CYP27C1: variants seen among roughly 807,000 people sequenced by gnomAD.
CYP27C1 encodes cytochrome P450 27C1.
A neutral mutation model predicts 40.6 loss-of-function variants in CYP27C1; 29 were observed. That is an observed-to-expected ratio of 0.71 (90% CI 0.53 to 0.97). CYP27C1 has a LOEUF of 0.97. CYP27C1 is among the 50% of genes least tolerant of loss of function. CYP27C1 has a pLI of 0.00. For synonymous variants in CYP27C1, 198 were observed against 186.8 expected (o/e 1.06, Z -0.49); for missense variants, 390 against 485.8 (o/e 0.80, Z 1.85).
In CYP27C1 at chr2:127,195,525, C is replaced by T. The variant is rs1682882312; in HGVS notation, c.1048-24G>A. ...GTCTAAGGAGAGAAAGTGGCAGACA[C>T]AGGCAGGCAGTGAGTAACACCAGGG... On this transcript the variant is annotated intron_variant, in intron 5 of 8. Coordinates refer to ENST00000664447, the MANE Select transcript of CYP27C1 (RefSeq NM_001367502.1). The surrounding 1 kb of genome is among the most constrained non-coding windows in gnomAD (Gnocchi z 6.2). 1 of 1,612,024 alleles carries T rather than the reference C, an allele frequency of 6.2e-7. No homozygotes were observed. The highest frequency in any genetic ancestry group is 1.1e-5 in the South Asian group (1 of 90,774).
intron 1 of CYP27C1, among the ~76,000 whole-genome samples, chr2:127,216,710 A>C (rs1178247134): frequency 6.6e-6 from 1 of 152,262 alleles, no homozygotes; most frequent in African/African-American, 2.4e-5. Context: ...GCATAAAAAG[A>C]AATCACAATA....
Position 127,204,465 on chromosome 2 carries a change from AAAGAAAGAAAGAAAGAAAGAAAGGAAGG to A in CYP27C1, c.474-922_474-895del, listed in dbSNP as rs1162002903. ...AAAAGAAAGAAAGAAAGAAAGAAAG[AAAGAAAGAAAGAAAGAAAGAAAGGAAGG>A]AAGGAAGGAAGGAAAGAAAGAAGGA... On this transcript the variant is annotated intron_variant, in intron 2 of 8. Transcript: ENST00000664447. 5.8e-3 allele frequency among the ~76,000 whole-genome samples: 387 copies of A among 66,158 alleles called. 32 individuals carry two copies. The highest frequency in any genetic ancestry group is 0.021 in the African/African-American group (367 of 17,674). 43.4% of individuals were successfully genotyped at this position (66,158 alleles called of 152,430 possible).
rs141493748 is a variant in CYP27C1 at position 127,205,520 on chromosome 2, G to A, written c.473+380C>T. The A allele has an allele frequency of 8.0e-3, 1,929 of 239,894 alleles. 32 individuals are homozygous for A. Among genetic ancestry groups the A allele is most frequent in the African/African-American group, 0.041 (1,774 of 43,096 alleles). 14.9% of individuals were successfully genotyped at this position (239,894 alleles called of 1,614,324 possible). On this transcript the variant is annotated intron_variant, in intron 2 of 8. Transcript: ENST00000664447. Reference sequence around the variant, plus strand: ...CAAGGCTGGAGGTTCTTAGCCCCTCGTCAAAGGGATTTTCCTGAAATAGTG... The same window carrying A: ...CAAGGCTGGAGGTTCTTAGCCCCTCATCAAAGGGATTTTCCTGAAATAGTG...
At chr2:127,204,531 AAGAAAGAG>A (rs1479698176) in intron 2 of CYP27C1, among the ~76,000 whole-genome samples, 1,700 of 46,080 alleles carry the variant, frequency 0.037, 192 homozygotes, top group Middle Eastern at 0.07. Context: ...GAAAGAAAGA[AAGAAAGAG>A]AGAGAGAGAG....
chr2:127,206,921 C>T (rs1448837190), intron 1 of CYP27C1, among the ~76,000 whole-genome samples: 1 of 152,142 alleles, frequency 6.6e-6, no homozygotes, highest in Non-Finnish European at 1.5e-5. Context: ...TCCTACGGAA[C>T]CTACTAAAAA....
intron 3 of CYP27C1, among the ~76,000 whole-genome samples, chr2:127,202,519 C>A (rs1377597678): frequency 1.3e-5 from 2 of 152,192 alleles, no homozygotes; most frequent in African/African-American, 2.4e-5. Flanking sequence ...AGAATATTCA[C>A]ATGCGTTTTT....
rs1212366483 is a variant in CYP27C1 at position 127,201,352 on chromosome 2, GA to G, written c.674-22del. Reference sequence around the variant, plus strand: ...CACTCCTAGACAGGAAAGAGAATTTGAAAACCCTCTTCTAGATTATTTACCA... The same window carrying G: ...CACTCCTAGACAGGAAAGAGAATTTGAAACCCTCTTCTAGATTATTTACCA... On this transcript the variant is annotated intron_variant, in intron 3 of 8. Coordinates refer to ENST00000664447, the MANE Select transcript of CYP27C1 (RefSeq NM_001367502.1). This position sits in a 1 kb window ranked among gnomAD's most constrained non-coding sequence, Gnocchi z 6.0. 1 of 1,603,732 alleles carries G rather than the reference GA, an allele frequency of 6.2e-7. No homozygotes were observed. The highest frequency in any genetic ancestry group is 1.7e-5 in the Admixed American group (1 of 59,444).
chr2:127,209,696 A>G lies in CYP27C1; in HGVS notation c.283-3606T>C, dbSNP rs1342856983. Among the ~76,000 whole-genome samples, 2 of 152,240 alleles carry G rather than the reference A, an allele frequency of 1.3e-5. No individual in the cohort carries two copies. The highest frequency in any genetic ancestry group is 4.8e-5 in the African/African-American group (2 of 41,464). On this transcript the variant is annotated intron_variant, in intron 1 of 8. Coordinates refer to ENST00000664447, the MANE Select transcript of CYP27C1 (RefSeq NM_001367502.1). This position sits in a 1 kb window ranked among gnomAD's most constrained non-coding sequence, Gnocchi z 4.1. ...ATGACCAGATGGAGCTGAAAAACAC[A>G]GTGTGAGAACTTCGTGAAGCATACA... is the stretch of plus-strand genomic sequence containing the variant.
intron 6 of CYP27C1, among the ~76,000 whole-genome samples, chr2:127,194,891 A>T (rs1428747427): frequency 7.0e-6 from 1 of 143,450 alleles, no homozygotes; most frequent in African/African-American, 2.7e-5. Flanking sequence ...CCCAGGCTGG[A>T]GTGCACTGGT....
intron 8 of CYP27C1, among the ~76,000 whole-genome samples, chr2:127,192,608 T>C (rs1460615177): frequency 9.1e-6 from 1 of 109,918 alleles, no homozygotes; most frequent in Non-Finnish European, 1.8e-5. Context: ...AGAGCACCAC[T>C]GTGCCTTTCC....
chr2:127,198,192 C>T (rs1682950171), intron 5 of CYP27C1, among the ~76,000 whole-genome samples: 1 of 151,440 alleles, frequency 6.6e-6, no homozygotes, highest in South Asian at 2.1e-4. Flanking sequence ...TTGATACACA[C>T]ACACACACAC....
chr2:127,191,986 C>A (rs1041898890), intron 8 of CYP27C1, among the ~76,000 whole-genome samples: 2 of 152,190 alleles, frequency 1.3e-5, no homozygotes, highest in African/African-American at 4.8e-5. Context: ...TAGACCCTTA[C>A]CTTCTCCAGC....
At chr2:127,193,498 A>T (rs1682831582) in intron 7 of CYP27C1, among the ~76,000 whole-genome samples, 1 of 152,138 alleles carries the variant, frequency 6.6e-6, no homozygotes, top group African/African-American at 2.4e-5. Flanking sequence ...CACTGAGAAG[A>T]CCGTCGAGCC....
In CYP27C1 at chr2:127,187,538, C is replaced by A. The variant is rs987131892; in HGVS notation, c.1498-151G>T. 16 of 651,434 alleles carry A rather than the reference C, an allele frequency of 2.5e-5. No individual in the cohort carries two copies. The African/African-American group carries it at 2.7e-4, about 11-fold the overall frequency. 40.4% of individuals were successfully genotyped at this position (651,434 alleles called of 1,614,324 possible). On this transcript the variant is annotated intron_variant, in intron 8 of 8. Coordinates refer to ENST00000664447, the MANE Select transcript of CYP27C1 (RefSeq NM_001367502.1). ...CATCCAGCTTTTGGAGGCTACAGAA[C>A]CTCCAGGTCAGTGGGAAGCCCGCTG...
chr2:127,193,274 A>T lies in CYP27C1; in HGVS notation c.1317T>A (p.Tyr439Ter). Residue 439 changes from tyrosine to a stop codon, truncating the protein, a stop_gained, in exon 8 of 9, where the codon TAT (tyrosine) becomes TAA (stop). Coordinates refer to ENST00000664447, the MANE Select transcript of CYP27C1 (RefSeq NM_001367502.1). LOFTEE classifies it high-confidence loss of function. ...PKGTQLALCH[Y>*]ATSYQDENFP... ...AGTTCTCATCCTGGTACGATGTGGC[A>T]TAGTGGCAAAGGGCCAGCTGGGTCT... 6.2e-7 allele frequency: 1 copy of T among 1,614,236 alleles called. No homozygotes were observed. Among genetic ancestry groups the T allele is most frequent in the Non-Finnish European group, 8.5e-7 (1 of 1,180,040 alleles).
In CYP27C1 at chr2:127,204,535, A is replaced by AAGAG. The variant is rs372686054; in HGVS notation, c.474-968_474-965dup. On this transcript the variant is annotated intron_variant, in intron 2 of 8. Coordinates refer to ENST00000664447, the MANE Select transcript of CYP27C1 (RefSeq NM_001367502.1). ...AAAGAAGGAAAGAAAGAAAGAAAGA[A>AAGAG]AGAGAGAGAGAGAGAGAGAGAGAAA... Among the ~76,000 whole-genome samples, 434 of 46,922 alleles carry AAGAG rather than the reference A, an allele frequency of 9.2e-3. 37 individuals are homozygous for AAGAG. Among genetic ancestry groups the AAGAG allele is most frequent in the South Asian group, 0.033 (33 of 988 alleles). 30.8% of individuals were successfully genotyped at this position (46,922 alleles called of 152,430 possible).
At chr2:127,198,858 G>A (rs1027923785) in intron 5 of CYP27C1, among the ~76,000 whole-genome samples, 2 of 152,170 alleles carry the variant, frequency 1.3e-5, no homozygotes, top group African/African-American at 2.4e-5. Context: ...ACCCAACAAC[G>A]CATTTCTCAG....
chr2:127,193,100 C>T lies in CYP27C1; in HGVS notation c.1491G>A (p.Val497=), dbSNP rs1682818015. Residue 497 remains valine, a synonymous_variant, in exon 8 of 9, where the codon GTG becomes GTA. Coordinates refer to ENST00000664447, the MANE Select transcript of CYP27C1 (RefSeq NM_001367502.1). ...TTTGGCCTCCACGCCCTACCTGGAT[C>T]ACGACGAGGTGAATCTCCAGTTCTG... ...RIAELEIHLV[V]IQLLQHFEIK... is the part of the protein sequence containing the mutation. 1.2e-6 allele frequency: 2 copies of T among 1,613,990 alleles called. No individual in the cohort carries two copies. Among genetic ancestry groups the T allele is most frequent in the Non-Finnish European group, 1.7e-6 (2 of 1,180,012 alleles).
intron 5 of CYP27C1, among the ~76,000 whole-genome samples, chr2:127,197,758 T>C (rs1468176158): frequency 6.6e-6 from 1 of 152,190 alleles, no homozygotes; most frequent in Non-Finnish European, 1.5e-5. Context: ...TTTTAGCAAA[T>C]TTTACAACTG....
Sources: allele counts gnomAD v4.1 joint callset (sites outside exome capture counted in the v4.1 genomes callset), GRCh38; gene constraint gnomAD v4.1.1; non-coding constraint Gnocchi (gnomAD v3.1); transcripts MANE v1.5; gene names NCBI Gene and HGNC (gene_info 2026-07-23, HGNC 2026-07-21).